Variants in ENTREP2 observed in about 807,000 individuals in gnomAD.
The protein encoded by ENTREP2 is protein ENTREP2.
the ENTREP2 span, among the ~76,000 whole-genome samples, chr15:29,444,204 AAGAAAGAAAG>A: frequency 6.8e-6 from 1 of 147,566 alleles, no homozygotes; most frequent in African/African-American, 2.6e-5. Context: ...GAAAGAAAGA[AAGAAAGAAAG>A]AAAGAAAGAA....
At chr15:29,151,929 C>A in the ENTREP2 span, 1 of 672,658 alleles carries the variant, frequency 1.5e-6, no homozygotes, top group East Asian at 3.2e-5. Context: ...CAGAATGAGC[C>A]GAGGTCGATG....
At chr15:29,317,761 A>C in the ENTREP2 span, among the ~76,000 whole-genome samples, 1 of 152,180 alleles carries the variant, frequency 6.6e-6, no homozygotes, top group South Asian at 2.1e-4. Flanking sequence ...AGGCCAACCC[A>C]CCTCAAAGAG....
the ENTREP2 span, among the ~76,000 whole-genome samples, chr15:29,169,456 G>T: frequency 6.6e-6 from 1 of 152,186 alleles, no homozygotes; most frequent in South Asian, 2.1e-4. Flanking sequence ...TGGGATAATT[G>T]GCTGTCTTTA....
chr15:29,379,578 C>T, the ENTREP2 span, among the ~76,000 whole-genome samples: 1 of 152,094 alleles, frequency 6.6e-6, no homozygotes, highest in Admixed American at 6.5e-5. Context: ...GCACTCTGAA[C>T]ATTCTACTCC....
the ENTREP2 span, among the ~76,000 whole-genome samples, chr15:29,481,438 CTCAAGTAGATGTAAGAT>C: frequency 6.6e-6 from 1 of 151,980 alleles, no homozygotes; most frequent in Non-Finnish European, 1.5e-5. Flanking sequence ...CCCTCCCGCT[CTCAAGTAGATGTAAGAT>C]TCATGCAGAA....
At chr15:29,466,969 C>T in the ENTREP2 span, among the ~76,000 whole-genome samples, 2 of 132,204 alleles carry the variant, frequency 1.5e-5, no homozygotes, top group African/African-American at 5.8e-5. Context: ...GGGGAGGATG[C>T]TGCAGCCCCC....
the ENTREP2 span, among the ~76,000 whole-genome samples, chr15:29,392,504 C>A: frequency 6.6e-6 from 1 of 152,180 alleles, no homozygotes; most frequent in African/African-American, 2.4e-5. Context: ...AGTTGCATCT[C>A]TCAACAGTTT....
chr15:29,517,425 C>G, the ENTREP2 span, among the ~76,000 whole-genome samples: 5 of 152,166 alleles, frequency 3.3e-5, no homozygotes, highest in Admixed American at 6.5e-5. Context: ...ACCCAGCTGT[C>G]TGGGTCCCAA....
At chr15:29,293,337 A>G in the ENTREP2 span, among the ~76,000 whole-genome samples, 2 of 150,560 alleles carry the variant, frequency 1.3e-5, no homozygotes, top group African/African-American at 2.5e-5. Context: ...TGCAAGCTCC[A>G]CCTCCTGGGT....
the ENTREP2 span, among the ~76,000 whole-genome samples, chr15:29,244,624 G>C: frequency 6.6e-6 from 1 of 152,334 alleles, no homozygotes; most frequent in African/African-American, 2.4e-5. Flanking sequence ...GTGGTGGCCT[G>C]CAGGCCTTGG....
At chr15:29,514,544 C>T in the ENTREP2 span, among the ~76,000 whole-genome samples, 1 of 152,174 alleles carries the variant, frequency 6.6e-6, no homozygotes, top group Non-Finnish European at 1.5e-5. Flanking sequence ...TGTTCGATTC[C>T]CTGCTTTCAG....
the ENTREP2 span, among the ~76,000 whole-genome samples, chr15:29,488,476 C>T: frequency 6.6e-6 from 1 of 151,990 alleles, no homozygotes; most frequent in African/African-American, 2.4e-5. Context: ...AGGAGAGGTG[C>T]GAGTGAAAGG....
chr15:29,470,052 C>G, the ENTREP2 span, among the ~76,000 whole-genome samples: 1 of 152,202 alleles, frequency 6.6e-6, no homozygotes, highest in Non-Finnish European at 1.5e-5. Flanking sequence ...TCAACACAGC[C>G]TTGAAAACCG....
the ENTREP2 span, among the ~76,000 whole-genome samples, chr15:29,413,421 T>G: frequency 6.6e-6 from 1 of 152,218 alleles, no homozygotes; most frequent in South Asian, 2.1e-4. Context: ...TTGCAGTGGT[T>G]TAATCAAAAG....
At chr15:29,356,296 ATTTTT>A in the ENTREP2 span, among the ~76,000 whole-genome samples, 1 of 34,390 alleles carries the variant, frequency 2.9e-5, no homozygotes, top group Admixed American at 5.7e-4. Context: ...ATATATATAT[ATTTTT>A]TTTTTTTTTT....
the ENTREP2 span, among the ~76,000 whole-genome samples, chr15:29,163,074 T>C: frequency 6.6e-6 from 1 of 151,976 alleles, no homozygotes; most frequent in Non-Finnish European, 1.5e-5. Context: ...ATCACTGCAG[T>C]TGGGCTCACA....
chr15:29,380,568 G>T, the ENTREP2 span, among the ~76,000 whole-genome samples: 1 of 152,016 alleles, frequency 6.6e-6, no homozygotes, highest in Non-Finnish European at 1.5e-5. Context: ...AGAAGAACAG[G>T]CATACAAATC....
the ENTREP2 span, among the ~76,000 whole-genome samples, chr15:29,295,972 C>A: frequency 6.6e-6 from 1 of 152,130 alleles, no homozygotes; most frequent in Non-Finnish European, 1.5e-5. Context: ...ACTTTGAAAC[C>A]TTTTCCATAT....
chr15:29,199,768 C>T, the ENTREP2 span, among the ~76,000 whole-genome samples: 3 of 152,112 alleles, frequency 2.0e-5, no homozygotes, highest in African/African-American at 4.8e-5. Context: ...CATATTTTTG[C>T]TCCTACACTT....
Sources: allele counts gnomAD v4.1 joint callset (sites outside exome capture counted in the v4.1 genomes callset), GRCh38; gene constraint gnomAD v4.1.1; transcripts MANE v1.5; gene names NCBI Gene and HGNC (gene_info 2026-07-23, HGNC 2026-07-21).